The following NRG1 variants were observed in gnomAD, a reference collection of about 807,000 sequenced individuals.
NRG1 encodes the protein pro-neuregulin-1, membrane-bound isoform.
Under a neutral mutation model 63.8 loss-of-function variants are expected in NRG1, and 18 were observed. That is an observed-to-expected ratio of 0.28 (90% CI 0.19 to 0.42). NRG1 has a LOEUF of 0.42. Ranked by LOEUF, NRG1 falls within the 10% of genes least tolerant of loss-of-function variation. NRG1 has a pLI of 1.00. For missense variants in NRG1, 762 were observed against 814.7 expected, an observed-to-expected ratio of 0.94 and a Z score of 0.79; for synonymous variants, 302 against 301.3, an observed-to-expected ratio of 1.00 and a Z score of -0.02.
chr8:32,693,798 A>G (rs961591678), intron 5 of NRG1, among the ~76,000 whole-genome samples: 3 of 152,180 alleles, frequency 2.0e-5, no homozygotes, highest in South Asian at 2.1e-4. Context: ...ACCATTGTGA[A>G]ATAAGGAGAT....
At chr8:32,508,190 A>G (rs989192343) in intron 1 of NRG1, among the ~76,000 whole-genome samples, 2 of 152,194 alleles carry the variant, frequency 1.3e-5, no homozygotes, top group Non-Finnish European at 2.9e-5. Flanking sequence ...AGGACTCCTT[A>G]AGCCCAGGAG....
At chr8:32,081,444 T>C (rs1303704545) in intron 1 of NRG1, among the ~76,000 whole-genome samples, 1 of 152,018 alleles carries the variant, frequency 6.6e-6, no homozygotes, top group Non-Finnish European at 1.5e-5. Flanking sequence ...AAGGAGAGAA[T>C]AGAATGAGAG....
intron 6 of NRG1, chr8:32,728,534 A>G: frequency 1.0e-6 from 1 of 985,396 alleles, no homozygotes; most frequent in Non-Finnish European, 1.2e-6. Context: ...AAGATTATTT[A>G]CTGACATATA....
chr8:31,695,912 C>A (rs1317414429), intron 1 of NRG1, among the ~76,000 whole-genome samples: 1 of 152,064 alleles, frequency 6.6e-6, no homozygotes. Context: ...GGACAAGTCA[C>A]CTCAATTTAT....
chr8:31,911,917 G>A (rs183587762), intron 1 of NRG1, among the ~76,000 whole-genome samples: 51 of 152,300 alleles, frequency 3.3e-4, no homozygotes, highest in African/African-American at 1.2e-3. Flanking sequence ...AAGAGAAAGA[G>A]CATTGAACTA....
chr8:31,718,418 C>T (rs1360921805), intron 1 of NRG1, among the ~76,000 whole-genome samples: 3 of 152,160 alleles, frequency 2.0e-5, no homozygotes, highest in African/African-American at 7.2e-5. Context: ...CCAGAGCAGT[C>T]AAAGGCCTAA....
chr8:32,339,332 C>A (rs1803742537), intron 1 of NRG1, among the ~76,000 whole-genome samples: 1 of 152,068 alleles, frequency 6.6e-6, no homozygotes, highest in African/African-American at 2.4e-5. Flanking sequence ...CCCCTAAACC[C>A]CAAATACTCA....
intron 6 of NRG1, among the ~76,000 whole-genome samples, chr8:32,730,176 C>A (rs1209624582): frequency 6.6e-6 from 1 of 152,106 alleles, no homozygotes; most frequent in Non-Finnish European, 1.5e-5. Context: ...GAGTATGAGG[C>A]CAGGTGCATG....
chr8:32,150,268 G>C (rs898042122), intron 1 of NRG1, among the ~76,000 whole-genome samples: 3 of 152,184 alleles, frequency 2.0e-5, no homozygotes, highest in Admixed American at 6.5e-5. Context: ...ATTGTAATTT[G>C]AGAACATCTC....
intron 1 of NRG1, among the ~76,000 whole-genome samples, chr8:31,756,097 T>C (rs919260734): frequency 6.6e-6 from 1 of 152,132 alleles, no homozygotes; most frequent in Admixed American, 6.5e-5. Flanking sequence ...ATCCTTACAG[T>C]CATAGCATCT....
chr8:32,495,546 T>C (rs1827104606), intron 1 of NRG1, among the ~76,000 whole-genome samples: 1 of 151,834 alleles, frequency 6.6e-6, no homozygotes, highest in Non-Finnish European at 1.5e-5. Context: ...CACTGAAACC[T>C]CTGCCTCCCA....
chr8:32,052,905 G>T (rs1393702044), intron 1 of NRG1, among the ~76,000 whole-genome samples: 1 of 152,156 alleles, frequency 6.6e-6, no homozygotes, highest in Non-Finnish European at 1.5e-5. Flanking sequence ...AGAAGGTGAG[G>T]TTACTGCTTC....
intron 1 of NRG1, among the ~76,000 whole-genome samples, chr8:32,360,818 A>G (rs868517739): frequency 3.9e-5 from 6 of 152,176 alleles, no homozygotes. Context: ...AGTTAATGAC[A>G]TGCTCAACCT....
In NRG1 at chr8:31,924,093, G is replaced by A. The variant is rs563027529; in HGVS notation, c.37+284662G>A. On this transcript the variant is annotated intron_variant, in intron 1 of 10. Transcript: ENST00000519301. ...ATTTGGGTTGGGCACAGTGGCTCAC[G>A]CCTGTAGTCCCAACACTTTGGTAGG... 2.0e-4 allele frequency among the ~76,000 whole-genome samples: 31 copies of A among 152,152 alleles called. 1 individual carries two copies. The highest frequency in any genetic ancestry group is 6.2e-4 in the South Asian group (3 of 4,810).
At chr8:32,169,318 C>T (rs1005855594) in intron 1 of NRG1, among the ~76,000 whole-genome samples, 4 of 152,242 alleles carry the variant, frequency 2.6e-5, no homozygotes, top group Non-Finnish European at 5.9e-5. Context: ...TTTCATAAAA[C>T]TAGTACTCTA....
At position 31,951,595 on chromosome 8, in the gene NRG1, G is replaced by T. The variant is rs1803471545; in HGVS notation, c.37+312164G>T. Among the ~76,000 whole-genome samples the T allele has an allele frequency of 2.0e-5, 3 of 152,178 alleles. No homozygotes were observed. The South Asian group carries it at 6.2e-4, about 32-fold the overall frequency. On this transcript the variant is annotated intron_variant, in intron 1 of 10. Coordinates refer to the NRG1 transcript ENST00000519301. ...TAAATTCAGATTTATAATGTCAGGAGCTGATAAATTTGCTGAGGAAATGCA... is the reference window on the plus strand; with the variant it reads ...TAAATTCAGATTTATAATGTCAGGATCTGATAAATTTGCTGAGGAAATGCA...
At position 32,609,993 on chromosome 8, in the gene NRG1, G is replaced by C. The variant is rs537800508; in HGVS notation, c.400+4310G>C. ...GTCAAGAATTTATTGTTTCATTGTG[G>C]ATTCTAGAAAAAAAAAAAGTTGTTA... On this transcript the variant is annotated intron_variant, in intron 3 of 11. Transcript: ENST00000356819. Among the ~76,000 whole-genome samples the C allele has an allele frequency of 2.0e-3, 302 of 150,544 alleles. 2 individuals carry two copies. The highest frequency in any genetic ancestry group is 1.9e-3 in the Non-Finnish European group (130 of 67,608).
chr8:32,749,832 G>A, intron 7 of NRG1: 1 of 546,856 alleles, frequency 1.8e-6, no homozygotes, highest in South Asian at 2.2e-5. Flanking sequence ...CCTACCTGCT[G>A]CAAATTCACA....
At chr8:31,861,227 G>T (rs556359329) in intron 1 of NRG1, among the ~76,000 whole-genome samples, 8 of 152,124 alleles carry the variant, frequency 5.3e-5, no homozygotes, top group Non-Finnish European at 1.0e-4. Flanking sequence ...CTCCCCTTCA[G>T]CCTGGTACTT....
Sources: allele counts gnomAD v4.1 joint callset (sites outside exome capture counted in the v4.1 genomes callset), GRCh38; gene constraint gnomAD v4.1.1; transcripts MANE v1.5; gene names NCBI Gene and HGNC (gene_info 2026-07-23, HGNC 2026-07-21).